Variants in ATP2B3 observed in about 807,000 individuals in gnomAD.
The protein encoded by ATP2B3 is plasma membrane calcium-transporting ATPase 3.
In ATP2B3, 12 loss-of-function variants were observed where a neutral mutation model predicts 70.8. That is an observed-to-expected ratio of 0.17 (90% CI 0.11 to 0.27). The LOEUF is 0.27. Ranked by LOEUF, ATP2B3 falls within the 10% of genes least tolerant of loss-of-function variation. The probability of loss-of-function intolerance (pLI) is 1.00; values close to 1 mark genes in which losing one functional copy is unlikely to be tolerated. For synonymous variants in ATP2B3, 460 were observed against 497.8 expected (o/e 0.92, Z 1.01); for missense variants, 858 against 1,118.5 (o/e 0.77, Z 3.32).
Position 153,517,793 on chromosome X carries a change from G to A in ATP2B3, c.-329G>A, listed in dbSNP as rs782160359. The stretch of plus-strand genomic sequence containing the variant: ...GCCCAGGCCTTTCCATCCTTGGAGC[G>A]GATCGTTGCCCGCCTGACGCCCGCC... On this transcript the variant is annotated 5_prime_UTR_variant, in exon 1 of 22. Coordinates refer to ENST00000263519, the MANE Select transcript of ATP2B3 (RefSeq NM_001001344.3). 1 of 110,000 alleles carries A rather than the reference G, an allele frequency of 9.1e-6. No homozygotes were observed. The highest frequency in any genetic ancestry group is 1.9e-5 in the Non-Finnish European group (1 of 52,133). 9.1% of individuals were successfully genotyped at this position (110,000 alleles called of 1,213,427 possible).
intron 20 of ATP2B3, among the ~76,000 whole-genome samples, chrX:153,564,203 A>T (rs1557017291): frequency 8.8e-6 from 1 of 113,041 alleles, no homozygotes; most frequent in Non-Finnish European, 1.9e-5. Flanking sequence ...ACTAGGCCAG[A>T]GCTCCAGCTG....
At chrX:153,567,487 C>G (rs781801864) in intron 21 of ATP2B3, among the ~76,000 whole-genome samples, 222 of 112,931 alleles carry the variant, frequency 2.0e-3, no homozygotes, top group African/African-American at 7.0e-3. Flanking sequence ...CTCGGCGGCC[C>G]ACTTCACTCC....
Position 153,550,247 on chromosome X carries a change from G to T in ATP2B3, c.1784G>T (p.Arg595Leu). ...TVIRMPDGGF[R>L]LFSKGASEIL... Reference sequence around the variant, plus strand: ...ATCCGCATGCCCGACGGTGGCTTCCGCCTCTTCAGCAAGGGGGCCTCAGAG... The same window carrying T: ...ATCCGCATGCCCGACGGTGGCTTCCTCCTCTTCAGCAAGGGGGCCTCAGAG... The change falls in exon 12 of 22, where the codon CGC becomes CTC. Residue 595 changes from arginine (R) to leucine (L), a missense_variant. Arg to Leu is a moderately radical substitution (Grantham distance 102). Coordinates refer to ENST00000263519, the MANE Select transcript of ATP2B3 (RefSeq NM_001001344.3). The T allele has an allele frequency of 8.2e-7, 1 of 1,212,254 alleles. No individual in the cohort carries two copies. The highest frequency in any genetic ancestry group is 1.1e-6 in the Non-Finnish European group (1 of 895,497).
At chrX:153,542,225 T>G in intron 5 of ATP2B3, 98 bp from the exon 6 acceptor site, 1 of 1,135,763 alleles carries the variant, frequency 8.8e-7, no homozygotes, top group Non-Finnish European at 1.2e-6. Flanking sequence ...GGCTCCTGAG[T>G]CCCTTTCCCA....
chrX:153,551,717 T>C (rs1000107038), intron 12 of ATP2B3, among the ~76,000 whole-genome samples: 1 of 112,176 alleles, frequency 8.9e-6, no homozygotes, highest in Non-Finnish European at 1.9e-5. Flanking sequence ...CTACTTTAAA[T>C]GGGTGGACTG....
chrX:153,558,313 G>C lies in ATP2B3; in HGVS notation c.2625+10G>C, dbSNP rs371949464. On this transcript the variant is annotated intron_variant, in intron 17 of 21. Transcript: ENST00000263519. ...TGCCTGCATTACTCAGGTGGGTACT[G>C]GGGGCTGCCATGCCCCAGCTAGGAC... 8.4e-7 allele frequency: 1 copy of C among 1,196,497 alleles called. No homozygotes were observed. The highest frequency in any genetic ancestry group is 1.1e-6 in the Non-Finnish European group (1 of 886,190).
In ATP2B3 at chrX:153,553,239, C is replaced by T. The variant is rs971187529; in HGVS notation, c.2028C>T (p.Val676=). Reference sequence around the variant, plus strand: ...TGGGTGACCTCACCTGCATAGCTGTCGTGGGCATTGAGGACCCTGTGCGGC... The same window carrying T: ...TGGGTGACCTCACCTGCATAGCTGTTGTGGGCATTGAGGACCCTGTGCGGC... The part of the protein sequence containing the change: ...EVVGDLTCIA[V]VGIEDPVRPE... The change falls in exon 13 of 22, where the codon GTC becomes GTT. Residue 676 remains valine (V), a synonymous_variant. Transcript: ENST00000263519. 3 of 1,208,443 alleles carry T rather than the reference C, an allele frequency of 2.5e-6. No individual in the cohort carries two copies. The highest frequency in any genetic ancestry group is 3.0e-5 in the East Asian group (1 of 33,731).
In ATP2B3 at chrX:153,557,977, G is replaced by T. The variant is rs2090566793; in HGVS notation, c.2434-135G>T. On this transcript the variant is annotated intron_variant, in intron 16 of 21. Coordinates refer to ENST00000263519, the MANE Select transcript of ATP2B3 (RefSeq NM_001001344.3). ...GCAACAAAAAACAGTGCTGTTCTTGGCTTTGGGGGGCGGGGTGGGATGTTA... is the reference window on the plus strand; with the variant it reads ...GCAACAAAAAACAGTGCTGTTCTTGTCTTTGGGGGGCGGGGTGGGATGTTA... The T allele has an allele frequency of 2.7e-5, 15 of 552,656 alleles. 1 individual carries two copies. The South Asian group carries it at 5.8e-4, about 21-fold the overall frequency. 45.5% of individuals were successfully genotyped at this position (552,656 alleles called of 1,213,427 possible).
intron 13 of ATP2B3, among the ~76,000 whole-genome samples, chrX:153,555,645 C>A (rs2090523158): frequency 8.9e-6 from 1 of 112,372 alleles, no homozygotes; most frequent in Non-Finnish European, 1.9e-5. Flanking sequence ...CAACCCCTTG[C>A]AGGCTGTTCG....
rs781859748 is a variant in ATP2B3, at chrX:153,553,214, T to C, written c.2003T>C (p.Val668Ala). 2.4e-5 allele frequency: 29 copies of C among 1,211,444 alleles called. No individual in the cohort carries two copies. Among genetic ancestry groups the C allele is most frequent in the Non-Finnish European group, 3.2e-5 (29 of 895,259 alleles). ...GACTGGGACAACGAGAATGAGGTCG[T>C]GGGTGACCTCACCTGCATAGCTGTC... Reference protein sequence around the residue: ...EPDWDNENEVVGDLTCIAVVG... With the variant: ...EPDWDNENEVAGDLTCIAVVG... The change falls in exon 13 of 22, where the codon GTG (valine) becomes GCG (alanine). Residue 668 changes from valine to alanine, a missense_variant. Around this residue, in one of 5 missense-constraint regions of ATP2B3, gnomAD observed 242 missense variants for 281.3 expected, o/e 0.86. Transcript: ENST00000263519.
intron 13 of ATP2B3, among the ~76,000 whole-genome samples, chrX:153,555,521 C>G (rs1260686354): frequency 9.0e-5 from 10 of 111,277 alleles, no homozygotes; most frequent in Non-Finnish European, 1.5e-4. Context: ...CCCTGTCTCT[C>G]TGTCCCCGAG....
intron 2 of ATP2B3, among the ~76,000 whole-genome samples, chrX:153,527,155 C>A (rs967512060): frequency 8.9e-6 from 1 of 112,865 alleles, no homozygotes; most frequent in East Asian, 2.8e-4. Flanking sequence ...TGGAAGCGGG[C>A]TGGGACGGGC....
At chrX:153,558,897 G>A (rs1005234499) in intron 17 of ATP2B3, among the ~76,000 whole-genome samples, 2 of 111,313 alleles carry the variant, frequency 1.8e-5, no homozygotes, top group Non-Finnish European at 3.8e-5. Context: ...GAGTTTCTGC[G>A]TGGGCTATGC....
At chrX:153,564,206 T>G (rs1254832979) in intron 20 of ATP2B3, among the ~76,000 whole-genome samples, 2 of 113,073 alleles carry the variant, frequency 1.8e-5, no homozygotes, top group Non-Finnish European at 3.8e-5. Context: ...AGGCCAGAGC[T>G]CCAGCTGTCC....
chrX:153,566,865 G>A lies in ATP2B3; in HGVS notation c.3342+1762G>A, dbSNP rs150908300. 9.8e-4 allele frequency among the ~76,000 whole-genome samples: 109 copies of A among 111,682 alleles called. 2 individuals carry two copies. The East Asian group carries it at 0.025, about 26-fold the overall frequency. ...CTTTGACTCCTCTCACTCTCACCAC[G>A]GGCTCCTTGCAAAACTTTCCAGAGC... On this transcript the variant is annotated intron_variant, in intron 21 of 21. Coordinates refer to ENST00000263519, the MANE Select transcript of ATP2B3 (RefSeq NM_001001344.3).
chrX:153,541,419 TC>T lies in ATP2B3; in HGVS notation c.275del (p.Pro92GlnfsTer18). 2 of 1,211,004 alleles carry T rather than the reference TC, an allele frequency of 1.7e-6. No homozygotes were observed. Among genetic ancestry groups the T allele is most frequent in the Non-Finnish European group, 2.2e-6 (2 of 895,312 alleles). ...KRRQIYGQNF[I>X]PPKQPKTFLQ... ...AGGCAGATCTACGGGCAGAACTTCA[TC>T]CCCCCAAAGCAACCCAAGACCTTCC... On this transcript the variant is annotated frameshift_variant, in exon 4 of 22. Coordinates refer to ENST00000263519, the MANE Select transcript of ATP2B3 (RefSeq NM_001001344.3). LOFTEE classifies it high-confidence loss of function.
chrX:153,540,211 C>A (rs954458265), intron 3 of ATP2B3, among the ~76,000 whole-genome samples: 11 of 112,542 alleles, frequency 9.8e-5, no homozygotes, highest in Non-Finnish European at 2.1e-4. Flanking sequence ...GCCTCAGTGG[C>A]CTTGTCTGCA....
At chrX:153,553,708 G>T (rs916771839) in intron 13 of ATP2B3, among the ~76,000 whole-genome samples, 1 of 112,821 alleles carries the variant, frequency 8.9e-6, no homozygotes, top group Non-Finnish European at 1.9e-5. Flanking sequence ...GGCGGGAAAG[G>T]GAGCCCAGAA....
rs2090187191 is a variant in ATP2B3 at position 153,536,147 on chromosome X, C to T, written c.-101C>T. The stretch of plus-strand genomic sequence containing the variant: ...GTGTCCACGCTTAGCAGCTTTCTCA[C>T]CGCCGCCAAACCTTGCCTGGGCACT... On this transcript the variant is annotated 5_prime_UTR_variant, in exon 3 of 22. Coordinates refer to ENST00000263519, the MANE Select transcript of ATP2B3 (RefSeq NM_001001344.3). 1.0e-6 allele frequency: 1 copy of T among 977,351 alleles called. No individual in the cohort carries two copies. The highest frequency in any genetic ancestry group is 1.4e-6 in the Non-Finnish European group (1 of 700,609). 80.5% of individuals were successfully genotyped at this position (977,351 alleles called of 1,213,427 possible). A position where few individuals can be genotyped will look rare whatever the true frequency, so the allele number is the denominator to read the frequency against.
Sources: gnomAD v4.1 joint callset for allele counts (sites outside exome capture counted in the v4.1 genomes callset) on GRCh38, gnomAD v4.1.1 for gene constraint, gnomAD v4.1.1 regional missense constraint, MANE v1.5 for transcripts, NCBI Gene and HGNC (gene_info 2026-07-23, HGNC 2026-07-21) for gene names.